ANGPT1: variants seen among roughly 807,000 people sequenced by gnomAD.
ANGPT1 encodes the protein angiopoietin 1, also known as angiopoietin-1.
Under a neutral mutation model 62.2 loss-of-function variants are expected in ANGPT1, and 17 were observed. The observed-to-expected ratio is 0.27, with a 90% CI of 0.19 to 0.41. The LOEUF is 0.41. Among genes scored for constraint, ANGPT1 ranks in the 10% least tolerant of loss-of-function variants. The pLI, the probability that ANGPT1 is intolerant of heterozygous loss-of-function variation, is 1.00. For missense variants in ANGPT1, 478 were observed against 594.9 expected (o/e 0.80, Z 2.04); for synonymous variants, 199 against 198.9 (o/e 1.00, Z 0.00).
chr8:107,423,827 CTTTTTTTTTTTTTT>C (rs869079818), intron 1 of ANGPT1, among the ~76,000 whole-genome samples: 5 of 74,436 alleles, frequency 6.7e-5, no homozygotes, highest in South Asian at 1.3e-3. Flanking sequence ...CTTTTCCTTT[CTTTTTTTTTTTTTT>C]TTTTTTTTTT....
rs1586228033 is a variant in ANGPT1, at chr8:107,328,226, T to C, written c.576-6098A>G. On this transcript the variant is annotated intron_variant, in intron 3 of 8. Coordinates refer to ENST00000517746, the MANE Select transcript of ANGPT1 (RefSeq NM_001146.5). ...GTCAACATGTGTTGCAAATATGGGTTTGTAAAGAGTAATTTTTCTCCCCAT... is the reference window on the plus strand; with the variant it reads ...GTCAACATGTGTTGCAAATATGGGTCTGTAAAGAGTAATTTTTCTCCCCAT... Among the ~76,000 whole-genome samples the C allele has an allele frequency of 2.0e-5, 3 of 152,220 alleles. No individual in the cohort carries two copies. The South Asian group carries it at 6.2e-4, about 32-fold the overall frequency.
At chr8:107,479,583 C>A (rs1168972613) in intron 1 of ANGPT1, among the ~76,000 whole-genome samples, 1 of 152,132 alleles carries the variant, frequency 6.6e-6, no homozygotes, top group East Asian at 1.9e-4. Context: ...GAGAGATCAC[C>A]AGTCAGCCAT....
chr8:107,474,875 A>G (rs1390740922), intron 1 of ANGPT1, among the ~76,000 whole-genome samples: 1 of 152,180 alleles, frequency 6.6e-6, no homozygotes, highest in Non-Finnish European at 1.5e-5. Flanking sequence ...TTCAACTTAC[A>G]AGGGATGTGA....
intron 8 of ANGPT1, 48 bp downstream of exon 8, chr8:107,264,173 C>A (rs776931934): frequency 1.8e-5 from 28 of 1,580,546 alleles, no homozygotes; most frequent in Non-Finnish European, 2.4e-5. Flanking sequence ...AAACCTTAAG[C>A]CCCAAACCAA....
At chr8:107,401,749 C>G (rs1179663010) in intron 1 of ANGPT1, among the ~76,000 whole-genome samples, 1 of 152,098 alleles carries the variant, frequency 6.6e-6, no homozygotes, top group African/African-American at 2.4e-5. Flanking sequence ...CATAACACTG[C>G]AACAAACATA....
intron 5 of ANGPT1, among the ~76,000 whole-genome samples, chr8:107,301,624 A>G (rs1207607183): frequency 6.6e-6 from 1 of 151,928 alleles, no homozygotes; most frequent in African/African-American, 2.4e-5. Flanking sequence ...GAAATCAAAC[A>G]TGAAAAACAG....
At chr8:107,261,713 A>G (rs188528323) in intron 8 of ANGPT1, among the ~76,000 whole-genome samples, 144 of 151,930 alleles carry the variant, frequency 9.5e-4, no homozygotes, top group African/African-American at 2.9e-3. Context: ...TAAAAAAAAA[A>G]AAAGAAAGAA....
At chr8:107,253,547 G>A (rs1226658427) in intron 8 of ANGPT1, among the ~76,000 whole-genome samples, 1 of 152,048 alleles carries the variant, frequency 6.6e-6, no homozygotes, top group Admixed American at 6.6e-5. Context: ...TTGCATTAAT[G>A]AACTTTTTTA....
chr8:107,437,680 T>G (rs1811366868), intron 1 of ANGPT1, among the ~76,000 whole-genome samples: 2 of 152,184 alleles, frequency 1.3e-5, no homozygotes, highest in Admixed American at 1.3e-4. Flanking sequence ...AAAACATTAT[T>G]GCAGACTTTG....
intron 1 of ANGPT1, among the ~76,000 whole-genome samples, chr8:107,367,267 A>G (rs181893513): frequency 1.3e-5 from 2 of 152,300 alleles, no homozygotes; most frequent in East Asian, 3.9e-4. Flanking sequence ...ACTGTGGTCT[A>G]TTAAGTGTGA....
At chr8:107,471,513 C>G (rs548499778) in intron 1 of ANGPT1, among the ~76,000 whole-genome samples, 57 of 152,110 alleles carry the variant, frequency 3.7e-4, no homozygotes, top group Non-Finnish European at 6.2e-4. Context: ...ATGTAACAAA[C>G]CTGCACGTTC....
intron 1 of ANGPT1, among the ~76,000 whole-genome samples, chr8:107,435,263 C>A (rs904240301): frequency 2.0e-5 from 3 of 152,006 alleles, no homozygotes; most frequent in Non-Finnish European, 4.4e-5. Context: ...TAAATCATAC[C>A]CCCCAAAAGC....
intron 2 of ANGPT1, among the ~76,000 whole-genome samples, chr8:107,345,517 C>T (rs1461088827): frequency 6.6e-6 from 1 of 152,028 alleles, no homozygotes; most frequent in Non-Finnish European, 1.5e-5. Flanking sequence ...CAAGACTCTG[C>T]CATGTGTTCC....
chr8:107,398,243 A>T (rs1377560714), intron 1 of ANGPT1, among the ~76,000 whole-genome samples: 1 of 152,174 alleles, frequency 6.6e-6, no homozygotes, highest in Non-Finnish European at 1.5e-5. Context: ...TGAAAATTGT[A>T]AGTTTTAGAA....
chr8:107,470,244 AT>A (rs537089053), intron 1 of ANGPT1, among the ~76,000 whole-genome samples: 69 of 152,200 alleles, frequency 4.5e-4, no homozygotes, highest in Non-Finnish European at 8.5e-4. Context: ...GGAAATTAAT[AT>A]GTTTTTGAAA....
At chr8:107,373,793 T>C (rs1169470477) in intron 1 of ANGPT1, among the ~76,000 whole-genome samples, 3 of 152,246 alleles carry the variant, frequency 2.0e-5, no homozygotes, top group Admixed American at 6.5e-5. Flanking sequence ...TATTGTGTCT[T>C]ATAATGAAGT....
intron 1 of ANGPT1, among the ~76,000 whole-genome samples, chr8:107,362,643 T>C (rs192867015): frequency 2.2e-4 from 34 of 152,290 alleles, no homozygotes; most frequent in African/African-American, 8.2e-4. Context: ...TTTGCATTCT[T>C]GACTTCTTAA....
Position 107,491,050 on chromosome 8 carries a change from C to A in ANGPT1, c.297+6212G>T, listed in dbSNP as rs1016909047. ...AATTTGATTATAGTCCAAATCTGCT[C>A]ATGGACTTCATTTATTTCCCTATTT... On this transcript the variant is annotated intron_variant, in intron 1 of 8. Coordinates refer to ENST00000517746, the MANE Select transcript of ANGPT1 (RefSeq NM_001146.5). Among the ~76,000 whole-genome samples, 3 of 152,080 alleles carry A rather than the reference C, an allele frequency of 2.0e-5. 1 individual carries two copies. Among genetic ancestry groups the A allele is most frequent in the Non-Finnish European group, 4.4e-5 (3 of 68,004 alleles).
At chr8:107,322,505 A>G (rs1331255860) in intron 3 of ANGPT1, among the ~76,000 whole-genome samples, 1 of 152,214 alleles carries the variant, frequency 6.6e-6, no homozygotes, top group Non-Finnish European at 1.5e-5. Context: ...AGTTCAGGAA[A>G]AAAACAAACA....
Sources: allele counts gnomAD v4.1 joint callset (sites outside exome capture counted in the v4.1 genomes callset), GRCh38; gene constraint gnomAD v4.1.1; transcripts MANE v1.5; gene names NCBI Gene and HGNC (gene_info 2026-07-23, HGNC 2026-07-21).